The following PCDH9 variants were observed in gnomAD, a reference collection of about 807,000 sequenced individuals.
PCDH9 encodes the protein protocadherin 9, also known as protocadherin-9.
PCDH9 carries 24 observed loss-of-function variants against 70.6 expected under a neutral mutation model. The observed-to-expected ratio is 0.34, with a 90% CI of 0.25 to 0.48. The LOEUF (loss-of-function observed/expected upper bound fraction) is 0.48. Ranked by LOEUF, PCDH9 falls within the 20% of genes least tolerant of loss-of-function variation. The pLI, the probability that PCDH9 is intolerant of heterozygous loss-of-function variation, is 0.99. For missense variants in PCDH9, 1,281 were observed against 1,503.6 expected (o/e 0.85, Z 2.45); for synonymous variants, 562 against 558.5 (o/e 1.01, Z -0.09).
At chr13:66,445,677 C>T in intron 4 of PCDH9, among the ~76,000 whole-genome samples, 1 of 141,326 alleles carries the variant, frequency 7.1e-6, no homozygotes, top group South Asian at 2.2e-4. Context: ...TATGTATACA[C>T]ATATATAATA....
intron 4 of PCDH9, among the ~76,000 whole-genome samples, chr13:66,596,484 G>A (rs1266756963): frequency 6.6e-6 from 1 of 151,048 alleles, no homozygotes; most frequent in Non-Finnish European, 1.5e-5. Flanking sequence ...ACCCATATAT[G>A]TGTAAATTTC....
At chr13:67,153,335 T>C (rs1181377706) in intron 2 of PCDH9, among the ~76,000 whole-genome samples, 2 of 152,022 alleles carry the variant, frequency 1.3e-5, no homozygotes, top group African/African-American at 4.8e-5. Flanking sequence ...ACTTGGCTGA[T>C]TTGTTATTTT....
chr13:66,796,279 G>A (rs900795618), intron 3 of PCDH9, among the ~76,000 whole-genome samples: 2 of 152,076 alleles, frequency 1.3e-5, no homozygotes, highest in African/African-American at 4.8e-5. Flanking sequence ...TGACATTTTT[G>A]TCATGTGTAC....
At chr13:66,996,742 A>C (rs1297552495) in intron 2 of PCDH9, among the ~76,000 whole-genome samples, 1 of 152,230 alleles carries the variant, frequency 6.6e-6, no homozygotes, top group African/African-American at 2.4e-5. Flanking sequence ...ATGTGTCTAA[A>C]TGTGAATAGT....
At position 66,305,906 on chromosome 13, in the gene PCDH9, T is replaced by G. The variant is rs190024016; in HGVS notation, c.3341-878A>C. On this transcript the variant is annotated intron_variant, in intron 4 of 4. Transcript: ENST00000377865. ...TACATTTTAACCAGGATTTCGAAAG[T>G]AAACTATTTTCTGACTGTTTAAAAT... Among the ~76,000 whole-genome samples the G allele has an allele frequency of 1.6e-4, 25 of 152,184 alleles. 1 individual carries two copies. In the East Asian group the frequency reaches 4.8e-3, roughly 29 times the overall value.
At chr13:66,773,131 T>C (rs2079834888) in intron 3 of PCDH9, among the ~76,000 whole-genome samples, 1 of 152,216 alleles carries the variant, frequency 6.6e-6, no homozygotes, top group African/African-American at 2.4e-5. Context: ...CTTTCATGTA[T>C]AACTGTTTCC....
intron 2 of PCDH9, among the ~76,000 whole-genome samples, chr13:67,130,797 C>T (rs1397202123): frequency 3.3e-5 from 5 of 151,982 alleles, no homozygotes; most frequent in African/African-American, 9.7e-5. Context: ...CCTATAAGTA[C>T]CCCTAGCCTG....
chr13:67,121,697 A>G (rs1032104900), intron 2 of PCDH9, among the ~76,000 whole-genome samples: 5 of 152,220 alleles, frequency 3.3e-5, no homozygotes, highest in Admixed American at 3.3e-4. Flanking sequence ...TCATATGACA[A>G]TGGCTATGTC....
intron 4 of PCDH9, among the ~76,000 whole-genome samples, chr13:66,454,785 G>T (rs1232859407): frequency 6.6e-6 from 1 of 152,100 alleles, no homozygotes. Context: ...CTTTTTAGTT[G>T]ATCTTTTTAA....
chr13:66,391,138 A>C (rs910038228), intron 4 of PCDH9, among the ~76,000 whole-genome samples: 1 of 152,192 alleles, frequency 6.6e-6, no homozygotes, highest in Non-Finnish European at 1.5e-5. Context: ...AATTCTTTTT[A>C]GTCTAATGCT....
chr13:66,538,182 A>T (rs1466014863), intron 4 of PCDH9, among the ~76,000 whole-genome samples: 1 of 152,108 alleles, frequency 6.6e-6, no homozygotes, highest in Non-Finnish European at 1.5e-5. Flanking sequence ...GTTTCTGCAT[A>T]TTATTCATGG....
intron 3 of PCDH9, among the ~76,000 whole-genome samples, chr13:66,735,234 C>T (rs1482763521): frequency 6.6e-6 from 1 of 152,148 alleles, no homozygotes. Flanking sequence ...CATATGCTGA[C>T]TGGATGCTAC....
At chr13:66,539,861 CT>C (rs1161961474) in intron 4 of PCDH9, among the ~76,000 whole-genome samples, 10 of 117,038 alleles carry the variant, frequency 8.5e-5, no homozygotes, top group African/African-American at 2.2e-4. Context: ...TTTTTATTTT[CT>C]TTTTTTCCTT....
intron 3 of PCDH9, among the ~76,000 whole-genome samples, chr13:66,793,394 T>C (rs1445097196): frequency 2.0e-5 from 3 of 152,118 alleles, no homozygotes; most frequent in Non-Finnish European, 2.9e-5. Flanking sequence ...TAACTTAGTA[T>C]TACTTTAGGA....
At chr13:66,679,284 A>T (rs1371705827) in intron 3 of PCDH9, among the ~76,000 whole-genome samples, 1 of 151,736 alleles carries the variant, frequency 6.6e-6, no homozygotes, top group African/African-American at 2.4e-5. Context: ...CATAATGGTC[A>T]TTCTGTCATA....
chr13:66,624,943 A>T (rs528133379), intron 4 of PCDH9, among the ~76,000 whole-genome samples: 15 of 72,088 alleles, frequency 2.1e-4, no homozygotes, highest in Non-Finnish European at 4.1e-4. Context: ...ATTCTGGAAA[A>T]TTTAAAACAC....
chr13:66,905,390 C>T (rs913709905), intron 2 of PCDH9, among the ~76,000 whole-genome samples: 2 of 152,112 alleles, frequency 1.3e-5, no homozygotes, highest in Non-Finnish European at 2.9e-5. Flanking sequence ...CTCACCCTGA[C>T]TGTATATTAG....
intron 3 of PCDH9, among the ~76,000 whole-genome samples, chr13:66,691,394 A>G (rs1056597422): frequency 6.6e-6 from 1 of 152,198 alleles, no homozygotes; most frequent in Non-Finnish European, 1.5e-5. Context: ...TAGTTAGAAT[A>G]GCAGAATACT....
chr13:67,106,673 G>A (rs2086550699), intron 2 of PCDH9, among the ~76,000 whole-genome samples: 1 of 152,300 alleles, frequency 6.6e-6, no homozygotes. Context: ...GCCCTCCTGG[G>A]CACAGCTGCA....
Sources: allele counts gnomAD v4.1 joint callset (sites outside exome capture counted in the v4.1 genomes callset), GRCh38; gene constraint gnomAD v4.1.1; transcripts MANE v1.5; gene names NCBI Gene and HGNC (gene_info 2026-07-23, HGNC 2026-07-21).